Variants in ITPRID1 observed in about 807,000 individuals in gnomAD.
ITPRID1 encodes the protein protein ITPRID1.
A neutral mutation model predicts 95.4 loss-of-function variants in ITPRID1; 96 were observed. That is an observed-to-expected ratio of 1.01 (90% CI 0.85 to 1.19). The LOEUF (loss-of-function observed/expected upper bound fraction) is 1.19, where lower values mean the gene tolerates loss of function less well. Among genes scored for constraint, ITPRID1 ranks in the 50% most tolerant of loss-of-function variants. The pLI is 0.00. For synonymous variants in ITPRID1, 510 were observed against 453.6 expected (o/e 1.12, Z -1.58); for missense variants, 1,339 against 1,252.9 (o/e 1.07, Z -1.04).
intron 10 of ITPRID1, among the ~76,000 whole-genome samples, chr7:31,621,631 G>A (rs897813403): frequency 3.1e-4 from 46 of 147,844 alleles, no homozygotes; most frequent in Middle Eastern, 3.2e-3. Context: ...AGGAACAACT[G>A]GTACCAGACA....
chr7:31,577,287 G>GT (rs1407610971), intron 8 of ITPRID1, among the ~76,000 whole-genome samples: 1 of 152,194 alleles, frequency 6.6e-6, no homozygotes, highest in African/African-American at 2.4e-5. Context: ...CATTTACTAT[G>GT]TGCCTGGCAT....
At chr7:31,620,044 G>A (rs1002651925) in intron 10 of ITPRID1, among the ~76,000 whole-genome samples, 34 of 152,154 alleles carry the variant, frequency 2.2e-4, no homozygotes, top group Non-Finnish European at 4.1e-4. Flanking sequence ...AGGTGGCAGC[G>A]AGGCTGGGGG....
chr7:31,596,380 C>G (rs1276997890), intron 10 of ITPRID1, among the ~76,000 whole-genome samples: 1 of 79,818 alleles, frequency 1.3e-5, no homozygotes, highest in Non-Finnish European at 2.4e-5. Flanking sequence ...TTTAGAGAAA[C>G]CTCATAGGAA....
intron 1 of ITPRID1, among the ~76,000 whole-genome samples, chr7:31,548,797 A>C (rs1044026238): frequency 6.6e-6 from 1 of 152,034 alleles, no homozygotes; most frequent in African/African-American, 2.4e-5. Context: ...GGTTTGTGGT[A>C]ATCATTTTTT....
At chr7:31,596,979 A>G (rs1304030395) in intron 10 of ITPRID1, among the ~76,000 whole-genome samples, 1 of 151,994 alleles carries the variant, frequency 6.6e-6, no homozygotes, top group Non-Finnish European at 1.5e-5. Flanking sequence ...GATCAACATC[A>G]GTAAAATTAT....
chr7:31,652,146 T>C, intron 14 of ITPRID1, 96 bp downstream of exon 14: 1 of 943,978 alleles, frequency 1.1e-6, no homozygotes, highest in Non-Finnish European at 1.6e-6. Flanking sequence ...TTTCAGAATC[T>C]AGGTTTACAT....
At chr7:31,651,073 T>A (rs1790900090) in intron 12 of ITPRID1, 69 bp from the exon 13 acceptor site, 2 of 1,529,784 alleles carry the variant, frequency 1.3e-6, no homozygotes, top group Non-Finnish European at 1.8e-6. Context: ...GAAGACAGGC[T>A]CCACCATGGT....
At chr7:31,630,875 T>C (rs1788929773) in intron 10 of ITPRID1, among the ~76,000 whole-genome samples, 1 of 151,972 alleles carries the variant, frequency 6.6e-6, no homozygotes, top group African/African-American at 2.4e-5. Flanking sequence ...CATTATTAGA[T>C]AGTGCTGAAT....
intron 10 of ITPRID1, among the ~76,000 whole-genome samples, chr7:31,600,666 C>T (rs555321769): frequency 6.6e-6 from 1 of 152,300 alleles, no homozygotes; most frequent in Admixed American, 6.5e-5. Flanking sequence ...CAGAGCCTTC[C>T]TTACCCTTGA....
At chr7:31,624,589 A>T (rs1375227162) in intron 10 of ITPRID1, among the ~76,000 whole-genome samples, 1 of 145,104 alleles carries the variant, frequency 6.9e-6, no homozygotes, top group Non-Finnish European at 1.5e-5. Flanking sequence ...CTGAAACTGG[A>T]TCCCTTCCTT....
At chr7:31,605,863 C>T (rs1429084924) in intron 10 of ITPRID1, among the ~76,000 whole-genome samples, 1 of 152,180 alleles carries the variant, frequency 6.6e-6, no homozygotes, top group Admixed American at 6.5e-5. Flanking sequence ...TTGGTTTCTT[C>T]TGCTGCCAAC....
intron 14 of ITPRID1, 22 bp downstream of exon 14, chr7:31,652,072 G>C (rs781267257): frequency 1.3e-6 from 2 of 1,513,118 alleles, no homozygotes; most frequent in Non-Finnish European, 1.8e-6. Context: ...GGGGTGTGGA[G>C]TTTGACTATA....
At position 31,620,864 on chromosome 7, in the gene ITPRID1, A is replaced by C. The variant is rs937623180; in HGVS notation, c.1229-21312A>C. On this transcript the variant is annotated intron_variant, in intron 10 of 14. Coordinates refer to ENST00000615280, the MANE Select transcript of ITPRID1 (RefSeq NM_001257967.3). ...AAAGAAGTTAAAAACTTTGAAAAAA[A>C]TTTAGACGAATGTATAACTAGAATA... 4.8e-3 allele frequency among the ~76,000 whole-genome samples: 732 copies of C among 152,220 alleles called. 3 individuals carry two copies. Among genetic ancestry groups the C allele is most frequent in the Non-Finnish European group, 8.6e-3 (585 of 67,990 alleles).
chr7:31,514,397 T>C lies in ITPRID1; in HGVS notation c.-98+277T>C, dbSNP rs141359121. Among the ~76,000 whole-genome samples the C allele has an allele frequency of 1.1e-4, 16 of 152,290 alleles. No individual in the cohort carries two copies. In the East Asian group the frequency reaches 3.1e-3, roughly 29 times the overall value. On this transcript the variant is annotated intron_variant, in intron 1 of 14. Coordinates refer to ENST00000615280, the MANE Select transcript of ITPRID1 (RefSeq NM_001257967.3). Reference sequence around the variant, plus strand: ...AAGTTGTTAGAATCAAATAAAATAATGTTAAATGCTGTTGGTGATAAAGGA... The same window carrying C: ...AAGTTGTTAGAATCAAATAAAATAACGTTAAATGCTGTTGGTGATAAAGGA...
intron 10 of ITPRID1, among the ~76,000 whole-genome samples, chr7:31,598,398 CTTTTTTTTTTT>C (rs869161999): frequency 9.4e-5 from 10 of 106,830 alleles, no homozygotes; most frequent in African/African-American, 2.9e-4. Flanking sequence ...TTTTTTTTTT[CTTTTTTTTTTT>C]TTTTTTTTTT....
downstream of ITPRID1, among the ~76,000 whole-genome samples, chr7:31,657,040 TAC>T (rs374612500): frequency 1.7e-3 from 243 of 147,248 alleles, 1 homozygote; most frequent in African/African-American, 5.6e-3. Flanking sequence ...TGTATGTGTA[TAC>T]ACACACACAC....
chr7:31,598,517 C>T (rs1435483746), intron 10 of ITPRID1, among the ~76,000 whole-genome samples: 1 of 150,584 alleles, frequency 6.6e-6, no homozygotes, highest in Non-Finnish European at 1.5e-5. Flanking sequence ...CATTCTCCTG[C>T]CTCAGCCTCC....
chr7:31,596,443 G>A (rs1786092734), intron 10 of ITPRID1, among the ~76,000 whole-genome samples: 1 of 151,228 alleles, frequency 6.6e-6, no homozygotes, highest in Non-Finnish European at 1.5e-5. Context: ...GAAAATAGAG[G>A]CAAAAATTTT....
intron 1 of ITPRID1, among the ~76,000 whole-genome samples, chr7:31,535,510 G>C (rs918667109): frequency 6.6e-6 from 1 of 151,840 alleles, no homozygotes; most frequent in African/African-American, 2.4e-5. Context: ...GTGTGTGTGG[G>C]TATATTCCTA....
Sources: allele counts gnomAD v4.1 joint callset (sites outside exome capture counted in the v4.1 genomes callset), GRCh38; gene constraint gnomAD v4.1.1; transcripts MANE v1.5; gene names NCBI Gene and HGNC (gene_info 2026-07-23, HGNC 2026-07-21).